The following OIT3 variants were observed in gnomAD, a reference collection of about 807,000 sequenced individuals.
OIT3 encodes the protein oncoprotein-induced transcript 3 protein.
OIT3 carries 41 observed loss-of-function variants against 52.2 expected under a neutral mutation model. The ratio of observed to expected loss-of-function variants is 0.79; its 90% CI spans 0.61 to 1.02. OIT3 has a LOEUF of 1.02. OIT3 is among the 50% of genes least tolerant of loss of function. The pLI is 0.00. For missense variants in OIT3, 634 were observed against 715.5 expected, an observed-to-expected ratio of 0.89 and a Z score of 1.30; for synonymous variants, 244 against 276.9, an observed-to-expected ratio of 0.88 and a Z score of 1.18.
chr10:72,897,821 C>T (rs1179924838), intron 1 of OIT3, among the ~76,000 whole-genome samples: 1 of 152,200 alleles, frequency 6.6e-6, no homozygotes, highest in Non-Finnish European at 1.5e-5. Flanking sequence ...AACAGAATAG[C>T]TAATTCCTCT....
At chr10:72,900,975 G>A (rs1845929957) in intron 3 of OIT3, among the ~76,000 whole-genome samples, 1 of 152,046 alleles carries the variant, frequency 6.6e-6, no homozygotes, top group Admixed American at 6.6e-5. Flanking sequence ...GGCTGAGGTG[G>A]GAGGATCACT....
intron 5 of OIT3, among the ~76,000 whole-genome samples, chr10:72,912,307 T>G (rs188405719): frequency 6.7e-6 from 1 of 149,164 alleles, no homozygotes; most frequent in Non-Finnish European, 1.5e-5. Flanking sequence ...TCTCACTCTG[T>G]TGCTCAGGTG....
At position 72,933,030 on chromosome 10, in the gene OIT3, A is replaced by T. The variant is rs1846233799; in HGVS notation, c.*506A>T. 6.6e-6 allele frequency: 1 copy of T among 152,434 alleles called. No homozygotes were observed. Among genetic ancestry groups the T allele is most frequent in the African/African-American group, 2.4e-5 (1 of 41,448 alleles). The allele number at this position is 152,434 out of a possible 1,614,324, so 9.4% of individuals were successfully genotyped here. A position where few individuals can be genotyped will look rare whatever the true frequency, so the allele number is the denominator to read the frequency against. On this transcript the variant is annotated 3_prime_UTR_variant, in exon 9 of 9. Transcript: ENST00000334011. The stretch of plus-strand genomic sequence containing the variant: ...TATCAATAAAACAGTATATAATTTT[A>T]AAAGTAGTATTTGGTTTTTCTGTTG...
At chr10:72,912,272 CTTTTTT>C (rs749814581) in intron 5 of OIT3, among the ~76,000 whole-genome samples, 7 of 125,842 alleles carry the variant, frequency 5.6e-5, no homozygotes, top group African/African-American at 1.9e-4. Flanking sequence ...TCTTTTTTTT[CTTTTTT>C]TTTTTTTTTT....
At chr10:72,909,938 G>A (rs930631120) in intron 4 of OIT3, among the ~76,000 whole-genome samples, 10 of 152,110 alleles carry the variant, frequency 6.6e-5, no homozygotes, top group Admixed American at 3.3e-4. Context: ...GAGCTACCGC[G>A]CCTGACCTGT....
chr10:72,915,816 C>T (rs138362204), intron 6 of OIT3, among the ~76,000 whole-genome samples: 1,759 of 152,254 alleles, frequency 0.012, 18 homozygotes, highest in Non-Finnish European at 0.016. Flanking sequence ...GGCAGTGGTG[C>T]CTTGTTGGAC....
chr10:72,902,246 C>T lies in OIT3; in HGVS notation c.544+1762C>T, dbSNP rs550746802. ...GGTTCCTGAAGTCTCTGCCCACCCT[C>T]ATGTATTTCTGTTCAAAAATATTTG... On this transcript the variant is annotated intron_variant, in intron 3 of 8. Coordinates refer to ENST00000334011, the MANE Select transcript of OIT3 (RefSeq NM_152635.3). Among the ~76,000 whole-genome samples the T allele has an allele frequency of 1.2e-4, 18 of 152,192 alleles. No individual in the cohort carries two copies. The South Asian group carries it at 3.3e-3, about 28-fold the overall frequency.
At chr10:72,908,552 T>A (rs1220460541) in intron 4 of OIT3, among the ~76,000 whole-genome samples, 1 of 152,210 alleles carries the variant, frequency 6.6e-6, no homozygotes, top group Non-Finnish European at 1.5e-5. Flanking sequence ...ATTAAATTAC[T>A]GTTCCTTATA....
intron 4 of OIT3, among the ~76,000 whole-genome samples, chr10:72,911,042 A>G (rs1265436507): frequency 6.6e-6 from 1 of 152,080 alleles, no homozygotes; most frequent in Non-Finnish European, 1.5e-5. Context: ...TTTTCAATGG[A>G]ATATTTTTCC....
intron 6 of OIT3, chr10:72,918,538 G>A: frequency 7.2e-7 from 1 of 1,389,444 alleles, no homozygotes; most frequent in Middle Eastern, 2.5e-4. Flanking sequence ...CTTCCATCGG[G>A]TGGCGGCACA....
At chr10:72,897,426 G>T (rs1845884089) in intron 1 of OIT3, among the ~76,000 whole-genome samples, 1 of 152,160 alleles carries the variant, frequency 6.6e-6, no homozygotes, top group South Asian at 2.1e-4. Flanking sequence ...TGAGAAACTT[G>T]GCTATATGAC....
At chr10:72,895,695 G>A (rs928083689) in intron 1 of OIT3, among the ~76,000 whole-genome samples, 2 of 152,166 alleles carry the variant, frequency 1.3e-5, no homozygotes, top group African/African-American at 2.4e-5. Context: ...ACCCTGGGGC[G>A]AAAGGGTGGG....
At chr10:72,910,257 T>C (rs1289942529) in intron 4 of OIT3, among the ~76,000 whole-genome samples, 2 of 152,234 alleles carry the variant, frequency 1.3e-5, no homozygotes, top group Non-Finnish European at 2.9e-5. Context: ...TTAATGTTCA[T>C]TTTAACATCT....
intron 3 of OIT3, among the ~76,000 whole-genome samples, chr10:72,901,864 A>C (rs1032149046): frequency 5.9e-5 from 9 of 152,162 alleles, no homozygotes; most frequent in African/African-American, 2.2e-4. Context: ...CAACATAGTG[A>C]GACCCCATCT....
chr10:72,927,336 C>T (rs1489650853), intron 7 of OIT3, among the ~76,000 whole-genome samples: 2 of 152,056 alleles, frequency 1.3e-5, no homozygotes, highest in Non-Finnish European at 2.9e-5. Context: ...GATGGGGTTT[C>T]GCCGTGTTGG....
intron 3 of OIT3, 75 bp downstream of exon 3, chr10:72,900,559 G>A: frequency 4.0e-6 from 3 of 758,030 alleles, no homozygotes; most frequent in Non-Finnish European, 6.8e-6. Context: ...CTGCCTCAGA[G>A]CACCATCATT....
chr10:72,924,749 C>A, intron 7 of OIT3, 105 bp downstream of exon 7: 1 of 935,424 alleles, frequency 1.1e-6, no homozygotes, highest in Non-Finnish European at 1.6e-6. Flanking sequence ...CCACTGTCAG[C>A]AATTTATTAG....
Position 72,893,810 on chromosome 10 carries a change from C to T in OIT3, c.12C>T (p.Phe4=). The change falls in exon 1 of 9, where the codon TTC becomes TTT. Residue 4 remains phenylalanine, a synonymous_variant. Transcript: ENST00000334011. The part of the protein sequence containing the change: MPP[F]LLLTCLFITG... ...GTTGGTCCAGAAGGATGCCTCCATTCCTGCTTCTCACCTGCCTCTTCATCA... is the reference window on the plus strand; with the variant it reads ...GTTGGTCCAGAAGGATGCCTCCATTTCTGCTTCTCACCTGCCTCTTCATCA... 6.2e-7 allele frequency: 1 copy of T among 1,610,436 alleles called. No homozygotes were observed. The highest frequency in any genetic ancestry group is 8.5e-7 in the Non-Finnish European group (1 of 1,178,384).
intron 6 of OIT3, among the ~76,000 whole-genome samples, chr10:72,914,103 TAC>T (rs1846053690): frequency 6.6e-6 from 1 of 152,150 alleles, no homozygotes; most frequent in African/African-American, 2.4e-5. Flanking sequence ...GTGTGTGGTT[TAC>T]ACAGCAGAGA....
Sources: gnomAD v4.1 joint callset for allele counts (sites outside exome capture counted in the v4.1 genomes callset) on GRCh38, gnomAD v4.1.1 for gene constraint, MANE v1.5 for transcripts, NCBI Gene and HGNC (gene_info 2026-07-23, HGNC 2026-07-21) for gene names.